The following SH3RF2 variants were observed in gnomAD, a reference collection of about 807,000 sequenced individuals.
SH3RF2 encodes the protein SH3 domain containing ring finger 2, also known as E3 ubiquitin-protein ligase SH3RF2.
SH3RF2 carries 43 observed loss-of-function variants against 59.0 expected under a neutral mutation model. That is an observed-to-expected ratio of 0.73 (90% CI 0.57 to 0.94). SH3RF2 has a LOEUF of 0.94. Ranked by LOEUF, SH3RF2 falls within the 40% of genes least tolerant of loss-of-function variation. The pLI, the probability that SH3RF2 is intolerant of heterozygous loss-of-function variation, is 0.00. For synonymous variants in SH3RF2, 391 were observed against 391.5 expected (o/e 1.00, Z 0.01); for missense variants, 930 against 940.1 (o/e 0.99, Z 0.14).
At chr5:146,059,351 A>C (rs1317897920) in intron 8 of SH3RF2, among the ~76,000 whole-genome samples, 1 of 151,820 alleles carries the variant, frequency 6.6e-6, no homozygotes, top group Non-Finnish European at 1.5e-5. Flanking sequence ...AGCTTCTGTC[A>C]AGATTTTCAC....
chr5:146,060,954 T>C (rs189512445), intron 9 of SH3RF2, among the ~76,000 whole-genome samples: 46 of 152,310 alleles, frequency 3.0e-4, no homozygotes, highest in Admixed American at 2.7e-3. Context: ...AGTTAGGTGA[T>C]GCTTATTGCT....
chr5:145,987,471 T>G (rs1759759759), intron 2 of SH3RF2, among the ~76,000 whole-genome samples: 1 of 152,062 alleles, frequency 6.6e-6, no homozygotes, highest in Admixed American at 6.5e-5. Flanking sequence ...GAGAAACACA[T>G]AACAAAAGTC....
intron 7 of SH3RF2, among the ~76,000 whole-genome samples, chr5:146,055,244 A>G (rs2150018979): frequency 6.6e-6 from 1 of 152,356 alleles, no homozygotes; most frequent in Non-Finnish European, 1.5e-5. Context: ...GGTATAGCTC[A>G]CTGGTAAGAA....
chr5:146,004,149 T>C lies in SH3RF2; in HGVS notation c.740T>C (p.Val247Ala). 1 of 1,611,126 alleles carries C rather than the reference T, an allele frequency of 6.2e-7. No individual in the cohort carries two copies. Among genetic ancestry groups the C allele is most frequent in the African/African-American group, 1.3e-5 (1 of 74,964 alleles). ...DKVGIFPILFVEPNLTARHLL... is the reference protein window; with the variant it reads ...DKVGIFPILFAEPNLTARHLL... ...GTAGGCATCTTCCCTATCTTGTTTG[T>C]AGAGGTACGTGAGTATCAAGTCTAC... The change falls in exon 4 of 10, where the codon GTA (valine) becomes GCA (alanine). Residue 247 changes from valine to alanine, a missense_variant. By Grantham distance (64) the Val-to-Ala change is moderately conservative. Coordinates refer to ENST00000359120, the MANE Select transcript of SH3RF2 (RefSeq NM_152550.4).
rs68055522 is a variant in SH3RF2, at chr5:146,016,354, A to AGATGGATGGATG, written c.1059+2333_1059+2344dup. Among the ~76,000 whole-genome samples, 612 of 143,882 alleles carry AGATGGATGGATG rather than the reference A, an allele frequency of 4.3e-3. 5 individuals are homozygous for AGATGGATGGATG. The highest frequency in any genetic ancestry group is 6.8e-3 in the East Asian group (34 of 4,980). The allele number at this position is 143,882 out of a possible 152,430, so 94.4% of individuals were successfully genotyped here. A position where few individuals can be genotyped will look rare whatever the true frequency, so the allele number is the denominator to read the frequency against. Reference sequence around the variant, plus strand: ...TGGATCTATAGGTAGGTAGGTAAGTAGATGGATGGATGGATGGATGGATGG... The same window carrying AGATGGATGGATG: ...TGGATCTATAGGTAGGTAGGTAAGTAGATGGATGGATGGATGGATGGATGGATGGATGGATGG... On this transcript the variant is annotated intron_variant, in intron 5 of 9. Transcript: ENST00000359120.
At chr5:146,060,368 C>A in intron 9 of SH3RF2, 144 bp downstream of exon 9, 1 of 686,834 alleles carries the variant, frequency 1.5e-6, no homozygotes, top group Non-Finnish European at 2.3e-6. Flanking sequence ...TCCTCCTCCC[C>A]AACTCCCCAC....
intron 7 of SH3RF2, among the ~76,000 whole-genome samples, chr5:146,054,380 C>T (rs1413494810): frequency 2.6e-5 from 4 of 152,278 alleles, no homozygotes; most frequent in Non-Finnish European, 2.9e-5. Flanking sequence ...GCTACTGCTG[C>T]GAAAAAATTT....
At chr5:145,939,506 A>T (rs983707586) in intron 2 of SH3RF2, among the ~76,000 whole-genome samples, 3 of 152,160 alleles carry the variant, frequency 2.0e-5, no homozygotes, top group Non-Finnish European at 4.4e-5. Flanking sequence ...CCCATGGCGC[A>T]TGTGTAAACA....
chr5:146,026,781 C>T (rs1050847365), intron 5 of SH3RF2, among the ~76,000 whole-genome samples: 1 of 152,084 alleles, frequency 6.6e-6, no homozygotes, highest in Non-Finnish European at 1.5e-5. Context: ...AACAGTATAA[C>T]CTTGGGCAAG....
chr5:146,020,933 G>A (rs1470121643), intron 5 of SH3RF2, among the ~76,000 whole-genome samples: 2 of 152,244 alleles, frequency 1.3e-5, no homozygotes, highest in East Asian at 3.9e-4. Flanking sequence ...AAGATGAGCT[G>A]TCACGAGCCT....
chr5:146,053,368 C>T (rs755514231), intron 7 of SH3RF2, among the ~76,000 whole-genome samples: 1 of 151,920 alleles, frequency 6.6e-6, no homozygotes, highest in Non-Finnish European at 1.5e-5. Context: ...CATCTAAATC[C>T]CCCTTTAATA....
chr5:146,047,203 A>G (rs1249222212), intron 5 of SH3RF2, among the ~76,000 whole-genome samples: 1 of 147,956 alleles, frequency 6.8e-6, no homozygotes, highest in Non-Finnish European at 1.5e-5. Flanking sequence ...AATAATAAGA[A>G]TATGGGCTCA....
rs552933133 is a variant in SH3RF2 at position 146,011,249 on chromosome 5, A to T, written c.745-2498A>T. The stretch of plus-strand genomic sequence containing the variant: ...GTTCCATTGGTCTATATCTCTGTTT[A>T]GGTACCAGTACCATGCTGTTTTGGT... On this transcript the variant is annotated intron_variant, in intron 4 of 9. Coordinates refer to ENST00000359120, the MANE Select transcript of SH3RF2 (RefSeq NM_152550.4). Among the ~76,000 whole-genome samples the T allele has an allele frequency of 1.9e-3, 290 of 152,148 alleles. 3 individuals are homozygous for T. The highest frequency in any genetic ancestry group is 6.8e-3 in the African/African-American group (282 of 41,510).
intron 2 of SH3RF2, among the ~76,000 whole-genome samples, chr5:145,989,972 C>A (rs1447112224): frequency 6.6e-6 from 1 of 152,218 alleles, no homozygotes; most frequent in African/African-American, 2.4e-5. Flanking sequence ...TTGGATATTA[C>A]ATTTTTATGA....
At chr5:145,976,580 G>A (rs1379445676) in intron 2 of SH3RF2, among the ~76,000 whole-genome samples, 1 of 152,118 alleles carries the variant, frequency 6.6e-6, no homozygotes, top group African/African-American at 2.4e-5. Flanking sequence ...GCCTGATTAG[G>A]AATTTGAATA....
At chr5:145,980,656 T>A (rs1208710606) in intron 2 of SH3RF2, among the ~76,000 whole-genome samples, 1 of 152,224 alleles carries the variant, frequency 6.6e-6, no homozygotes, top group Non-Finnish European at 1.5e-5. Context: ...AATGTAAATC[T>A]TGACCAATGT....
chr5:146,046,311 C>G (rs778552842), intron 5 of SH3RF2, among the ~76,000 whole-genome samples: 11 of 152,098 alleles, frequency 7.2e-5, no homozygotes, highest in Non-Finnish European at 1.5e-4. Context: ...TGCCATGGGC[C>G]TTGAGCAAAC....
chr5:146,077,511 T>C (rs1763360949), intron 9 of SH3RF2, among the ~76,000 whole-genome samples: 1 of 152,226 alleles, frequency 6.6e-6, no homozygotes, highest in Non-Finnish European at 1.5e-5. Context: ...ACCAGGTTCA[T>C]TTTTATTTTT....
intron 8 of SH3RF2, among the ~76,000 whole-genome samples, chr5:146,057,966 C>CTCTCTCTCTCTCTCTA (rs796279528): frequency 4.1e-5 from 3 of 72,964 alleles, no homozygotes; most frequent in African/African-American, 1.2e-4. Flanking sequence ...CTCTCTCTCT[C>CTCTCTCTCTCTCTCTA]TCTATCTATC....
Sources: allele counts gnomAD v4.1 joint callset (sites outside exome capture counted in the v4.1 genomes callset), GRCh38; gene constraint gnomAD v4.1.1; transcripts MANE v1.5; gene names NCBI Gene and HGNC (gene_info 2026-07-23, HGNC 2026-07-21).